Variants in SLC26A8 observed in about 807,000 individuals in gnomAD.
The protein encoded by SLC26A8 is testis anion transporter 1.
SLC26A8 carries 70 observed loss-of-function variants against 105.0 expected under a neutral mutation model. The ratio of observed to expected loss-of-function variants is 0.67; its 90% CI spans 0.55 to 0.81. The LOEUF is 0.81. SLC26A8 is among the 40% of genes least tolerant of loss of function. SLC26A8 has a pLI of 0.00. For missense variants in SLC26A8, 998 were observed against 1,181.8 expected, an observed-to-expected ratio of 0.84 and a Z score of 2.28; for synonymous variants, 415 against 438.3, an observed-to-expected ratio of 0.95 and a Z score of 0.66.
intron 3 of SLC26A8, among the ~76,000 whole-genome samples, chr6:36,004,963 GC>G (rs1761645153): frequency 6.6e-6 from 1 of 151,656 alleles, no homozygotes; most frequent in Non-Finnish European, 1.5e-5. Context: ...ACCACACCTG[GC>G]CCCCATTTAC....
At chr6:35,983,373 C>G (rs1333350642) in intron 7 of SLC26A8, among the ~76,000 whole-genome samples, 1 of 152,132 alleles carries the variant, frequency 6.6e-6, no homozygotes, top group African/African-American at 2.4e-5. Flanking sequence ...ACAGAAATAA[C>G]TCATCCAAAG....
intron 7 of SLC26A8, among the ~76,000 whole-genome samples, chr6:35,991,191 A>G (rs756474716): frequency 6.6e-6 from 1 of 152,156 alleles, no homozygotes; most frequent in Non-Finnish European, 1.5e-5. Context: ...ACCTGAGGTC[A>G]GGAGTTTGCG....
At chr6:36,017,059 A>C (rs1476396860) in intron 2 of SLC26A8, among the ~76,000 whole-genome samples, 9 of 151,832 alleles carry the variant, frequency 5.9e-5, no homozygotes, top group African/African-American at 2.2e-4. Context: ...GTAATCCCAG[A>C]TACTCGGGAG....
chr6:35,960,353 A>G, intron 14 of SLC26A8: 1 of 160,820 alleles, frequency 6.2e-6, no homozygotes, highest in Non-Finnish European at 1.3e-5. Context: ...ATAAGAATTT[A>G]GCTACTTAAG....
intron 7 of SLC26A8, among the ~76,000 whole-genome samples, chr6:35,990,925 C>T (rs950831576): frequency 4.6e-5 from 7 of 152,058 alleles, no homozygotes; most frequent in Non-Finnish European, 1.0e-4. Flanking sequence ...TCCTTGAAAT[C>T]TTATGAGAAC....
chr6:35,991,904 C>A, intron 6 of SLC26A8, 96 bp from the exon 7 acceptor site: 2 of 1,247,034 alleles, frequency 1.6e-6, no homozygotes, highest in Non-Finnish European at 2.1e-6. Flanking sequence ...AAGAAGTCCC[C>A]AAGTAGAGTT....
At chr6:35,998,543 G>A (rs1228456371) in intron 4 of SLC26A8, among the ~76,000 whole-genome samples, 1 of 138,652 alleles carries the variant, frequency 7.2e-6, no homozygotes, top group African/African-American at 2.7e-5. Flanking sequence ...CAACAAGAGC[G>A]AAACTCCATC....
At chr6:35,979,794 C>T (rs1773199688) in intron 8 of SLC26A8, among the ~76,000 whole-genome samples, 1 of 152,196 alleles carries the variant, frequency 6.6e-6, no homozygotes, top group African/African-American at 2.4e-5. Context: ...GACATGGACA[C>T]AGCAGGAGCT....
At chr6:36,019,907 A>G (rs1231941295) in intron 1 of SLC26A8, among the ~76,000 whole-genome samples, 198 bp from the exon 2 acceptor site, 1 of 152,232 alleles carries the variant, frequency 6.6e-6, no homozygotes, top group Non-Finnish European at 1.5e-5. Context: ...AACAAAACCC[A>G]GAAGTTTAAA....
At position 35,975,520 on chromosome 6, in the gene SLC26A8, C is replaced by T. The variant is rs767885047; in HGVS notation, c.1174-32G>A. Reference sequence around the variant, plus strand: ...AGAAACAGCAGATGCTTTAGGCCCCCGTTTTTGTTGAAGAATGCTGATTTT... The same window carrying T: ...AGAAACAGCAGATGCTTTAGGCCCCTGTTTTTGTTGAAGAATGCTGATTTT... On this transcript the variant is annotated intron_variant, in intron 9 of 19. Transcript: ENST00000490799. The T allele has an allele frequency of 4.4e-5, 61 of 1,392,758 alleles. 1 individual carries two copies. In the South Asian group the frequency reaches 6.0e-4, roughly 14 times the overall value. 86.3% of individuals were successfully genotyped at this position (1,392,758 alleles called of 1,614,324 possible). A position where few individuals can be genotyped will look rare whatever the true frequency, so the allele number is the denominator to read the frequency against.
chr6:35,978,999 C>T (rs1773159684), intron 8 of SLC26A8, among the ~76,000 whole-genome samples: 2 of 147,782 alleles, frequency 1.4e-5, no homozygotes, highest in South Asian at 2.1e-4. Flanking sequence ...TGCAACCACA[C>T]CTGGCTAATT....
In SLC26A8 at chr6:35,951,085, C is replaced by T. The variant is rs546573996; in HGVS notation, c.2472+78G>A. On this transcript the variant is annotated intron_variant, in intron 19 of 19. Transcript: ENST00000490799. ...TCTGATCAGGAATCCTGACTCCCAGCCCCCAACCACCCCTCACCCATCCCC... is the reference window on the plus strand; with the variant it reads ...TCTGATCAGGAATCCTGACTCCCAGTCCCCAACCACCCCTCACCCATCCCC... 1.9e-4 allele frequency: 232 copies of T among 1,252,874 alleles called. No homozygotes were observed. The African/African-American group carries it at 3.0e-3, about 16-fold the overall frequency. The allele number at this position is 1,252,874 out of a possible 1,614,324, so 77.6% of individuals were successfully genotyped here.
rs553929044 is a variant in SLC26A8, at chr6:36,015,784, G to A, written c.189-3412C>T. ...ACACAACTTGCAAAAGGCAGAATGC[G>A]GACAAAGGAGAATGTCTCAAGGAGA... is the stretch of plus-strand genomic sequence containing the variant. On this transcript the variant is annotated intron_variant, in intron 2 of 19. Coordinates refer to ENST00000490799, the MANE Select transcript of SLC26A8 (RefSeq NM_052961.4). Among the ~76,000 whole-genome samples, 8 of 152,094 alleles carry A rather than the reference G, an allele frequency of 5.3e-5. No individual in the cohort carries two copies. In the East Asian group the frequency reaches 5.8e-4, roughly 11 times the overall value.
chr6:35,963,919 A>G (rs1206105904), intron 11 of SLC26A8, among the ~76,000 whole-genome samples: 1 of 152,260 alleles, frequency 6.6e-6, no homozygotes, highest in Admixed American at 6.5e-5. Context: ...CAAATTTAAA[A>G]TACTGATAGC....
chr6:35,987,264 C>T (rs1020696849), intron 7 of SLC26A8, among the ~76,000 whole-genome samples: 6 of 152,138 alleles, frequency 3.9e-5, no homozygotes, highest in African/African-American at 7.2e-5. Context: ...TTTAACACAT[C>T]GAAGTTATTT....
intron 10 of SLC26A8, chr6:35,969,468 T>C (rs2127311626): frequency 6.5e-6 from 1 of 154,340 alleles, no homozygotes; most frequent in Non-Finnish European, 1.4e-5. Context: ...CTTGGTGGTG[T>C]GTGCCTGTAA....
At chr6:36,000,164 T>TA in intron 3 of SLC26A8, 56 bp from the exon 4 acceptor site, 4 of 1,077,914 alleles carry the variant, frequency 3.7e-6, no homozygotes, top group Non-Finnish European at 5.7e-6. Context: ...TCACCTTAAA[T>TA]AAAAACTGTA....
chr6:35,962,995 C>T (rs1371355454), intron 11 of SLC26A8, among the ~76,000 whole-genome samples: 1 of 152,102 alleles, frequency 6.6e-6, no homozygotes, highest in African/African-American at 2.4e-5. Flanking sequence ...TTGCCCTCCT[C>T]CTTAATTTGC....
rs951093846 is a variant in SLC26A8, at chr6:35,992,789, T to C, written c.628-115A>G. 14 of 1,037,184 alleles carry C rather than the reference T, an allele frequency of 1.3e-5. No individual in the cohort carries two copies. In the South Asian group the frequency reaches 2.3e-4, roughly 17 times the overall value. The allele number at this position is 1,037,184 out of a possible 1,614,324, so 64.2% of individuals were successfully genotyped here. The stretch of plus-strand genomic sequence containing the variant: ...ATAGAAAAGTTAAGATAGGCCCCTT[T>C]GGTAACTCTTGTAACTCTCTTTCCC... On this transcript the variant is annotated intron_variant, in intron 5 of 19. Transcript: ENST00000490799.
Sources: allele counts gnomAD v4.1 joint callset (sites outside exome capture counted in the v4.1 genomes callset), GRCh38; gene constraint gnomAD v4.1.1; transcripts MANE v1.5; gene names NCBI Gene and HGNC (gene_info 2026-07-23, HGNC 2026-07-21).